FGGY: variants seen among roughly 807,000 people sequenced by gnomAD.
The protein encoded by FGGY is FGGY carbohydrate kinase domain-containing protein.
FGGY carries 72 observed loss-of-function variants against 71.3 expected under a neutral mutation model. The observed-to-expected ratio is 1.01, with a 90% CI of 0.84 to 1.23. The LOEUF (loss-of-function observed/expected upper bound fraction) is 1.23. Among genes scored for constraint, FGGY ranks in the 50% most tolerant of loss-of-function variants. FGGY has a pLI of 0.00. For synonymous variants in FGGY, 251 were observed against 250.3 expected, an observed-to-expected ratio of 1.00 and a Z score of -0.02; for missense variants, 668 against 682.3, an observed-to-expected ratio of 0.98 and a Z score of 0.23.
At chr1:59,429,728 C>T (rs1012629186) in intron 5 of FGGY, among the ~76,000 whole-genome samples, 1 of 152,162 alleles carries the variant, frequency 6.6e-6, no homozygotes, top group Non-Finnish European at 1.5e-5. Flanking sequence ...ACGACACACA[C>T]GTGACGCACA....
At chr1:59,501,296 T>C (rs891882051) in intron 6 of FGGY, among the ~76,000 whole-genome samples, 6 of 152,194 alleles carry the variant, frequency 3.9e-5, no homozygotes, top group African/African-American at 1.4e-4. Flanking sequence ...TTTTTAGTGA[T>C]ACAATTTTGT....
At chr1:59,631,285 A>G (rs145090208) in intron 10 of FGGY, among the ~76,000 whole-genome samples, 1,844 of 152,156 alleles carry the variant, frequency 0.012, 22 homozygotes, top group Middle Eastern at 0.017. Context: ...TCTCTTTGCC[A>G]TCTCTTCCAA....
At chr1:59,389,140 G>T (rs968498826) in intron 5 of FGGY, among the ~76,000 whole-genome samples, 8 of 152,064 alleles carry the variant, frequency 5.3e-5, no homozygotes, top group Non-Finnish European at 8.8e-5. Flanking sequence ...TAGAGACAGG[G>T]TTTCACCATA....
rs191002384 is a variant in FGGY at position 59,696,259 on chromosome 1, C to T, written c.1512+22126C>T. Among the ~76,000 whole-genome samples, 134 of 152,270 alleles carry T rather than the reference C, an allele frequency of 8.8e-4. 1 individual carries two copies. Among genetic ancestry groups the T allele is most frequent in the African/African-American group, 3.2e-3 (133 of 41,546 alleles). On this transcript the variant is annotated intron_variant, in intron 14 of 15. Coordinates refer to ENST00000303721, the MANE Select transcript of FGGY (RefSeq NM_018291.5). ...CATTCTACGTCCTGGTTTATAGACA[C>T]CCTTTTTCTAAGTTTTAATAGATAC...
In FGGY at chr1:59,312,163, G is replaced by A. The variant is rs371979836; in HGVS notation, c.-14-9373G>A. Among the ~76,000 whole-genome samples the A allele has an allele frequency of 3.9e-4, 60 of 152,314 alleles. No individual in the cohort carries two copies. The South Asian group carries it at 7.0e-3, about 18-fold the overall frequency. On this transcript the variant is annotated intron_variant, in intron 1 of 15. Transcript: ENST00000303721. ...AATTCTGGATATTAGTTCTTTGTCA[G>A]ATGGGTAGATTGCAAAAATTTTCTC... is the stretch of plus-strand genomic sequence containing the variant.
At chr1:59,444,304 G>A (rs78759880) in intron 5 of FGGY, among the ~76,000 whole-genome samples, 2 of 152,194 alleles carry the variant, frequency 1.3e-5, no homozygotes, top group Admixed American at 6.5e-5. Flanking sequence ...GATAATAATT[G>A]TACATATTCA....
intron 7 of FGGY, among the ~76,000 whole-genome samples, chr1:59,545,089 G>A (rs927214226): frequency 2.6e-5 from 4 of 152,266 alleles, no homozygotes; most frequent in African/African-American, 4.8e-5. Context: ...CTGGTCATTC[G>A]CATAGTGTCT....
chr1:59,546,535 GATTATTATT>G (rs747576612), intron 7 of FGGY, among the ~76,000 whole-genome samples: 21 of 129,352 alleles, frequency 1.6e-4, no homozygotes, highest in Non-Finnish European at 2.1e-4. Context: ...TGATGATGAT[GATTATTATT>G]ATTATTATTT....
chr1:59,731,580 G>A (rs1321268922), intron 14 of FGGY, among the ~76,000 whole-genome samples: 2 of 151,440 alleles, frequency 1.3e-5, no homozygotes, highest in African/African-American at 4.9e-5. Flanking sequence ...AAGCAGTGGG[G>A]TTAGTTGTTT....
chr1:59,331,134 G>T (rs835377), intron 2 of FGGY, among the ~76,000 whole-genome samples: 7 of 152,070 alleles, frequency 4.6e-5, no homozygotes, highest in Admixed American at 4.6e-4. Flanking sequence ...GAGACTGAGA[G>T]GCTTTAGGAA....
At chr1:59,586,683 A>G (rs1340006363) in intron 8 of FGGY, among the ~76,000 whole-genome samples, 2 of 152,202 alleles carry the variant, frequency 1.3e-5, no homozygotes, top group Non-Finnish European at 2.9e-5. Flanking sequence ...ACCACGTGAA[A>G]TGAGCAGGCT....
chr1:59,507,174 T>C lies in FGGY; in HGVS notation c.671-5137T>C, dbSNP rs543211267. On this transcript the variant is annotated intron_variant, in intron 6 of 15. Coordinates refer to ENST00000303721, the MANE Select transcript of FGGY (RefSeq NM_018291.5). ...AATGGAAGTAAAGTACAGAAACAGCTGGATTGGGTACAGCTCTGCATCGGC... is the reference window on the plus strand; with the variant it reads ...AATGGAAGTAAAGTACAGAAACAGCCGGATTGGGTACAGCTCTGCATCGGC... 3.3e-3 allele frequency among the ~76,000 whole-genome samples: 499 copies of C among 152,314 alleles called. 12 individuals carry two copies. Among genetic ancestry groups the C allele is most frequent in the Non-Finnish European group, 6.5e-4 (44 of 68,022 alleles).
At chr1:59,693,950 T>C (rs2097623645) in intron 14 of FGGY, among the ~76,000 whole-genome samples, 1 of 151,058 alleles carries the variant, frequency 6.6e-6, no homozygotes, top group Non-Finnish European at 1.5e-5. Flanking sequence ...GAAGTTGCAG[T>C]GAGCCAATGT....
intron 14 of FGGY, among the ~76,000 whole-genome samples, chr1:59,754,413 T>C (rs1324610073): frequency 6.6e-6 from 1 of 152,150 alleles, no homozygotes; most frequent in Non-Finnish European, 1.5e-5. Flanking sequence ...TTTTGGTCTC[T>C]TTTTTGTTTG....
intron 14 of FGGY, among the ~76,000 whole-genome samples, chr1:59,679,762 A>C (rs2153985990): frequency 6.6e-6 from 1 of 152,254 alleles, no homozygotes; most frequent in Admixed American, 6.5e-5. Context: ...TCCTATACTC[A>C]AAAATATGTA....
intron 11 of FGGY, 66 bp downstream of exon 11, chr1:59,638,441 G>A: frequency 1.3e-6 from 2 of 1,570,288 alleles, no homozygotes; most frequent in Admixed American, 1.9e-5. Flanking sequence ...TTTGGAAGAA[G>A]CAAAGTGAGG....
At chr1:59,431,945 A>G (rs1024872799) in intron 5 of FGGY, among the ~76,000 whole-genome samples, 1 of 152,178 alleles carries the variant, frequency 6.6e-6, no homozygotes, top group African/African-American at 2.4e-5. Context: ...GCTCCTGGAT[A>G]ACTTCAGAAT....
intron 7 of FGGY, among the ~76,000 whole-genome samples, chr1:59,534,475 A>G (rs1295789829): frequency 6.6e-6 from 1 of 152,026 alleles, no homozygotes; most frequent in Non-Finnish European, 1.5e-5. Flanking sequence ...CAGGAAATAC[A>G]GAGAACGCCA....
intron 1 of FGGY, among the ~76,000 whole-genome samples, chr1:59,311,770 G>A (rs920832077): frequency 6.6e-6 from 1 of 152,194 alleles, no homozygotes; most frequent in Non-Finnish European, 1.5e-5. Context: ...TAATGGGATT[G>A]CTGGGTCAAG....
Sources: gnomAD v4.1 joint callset for allele counts (sites outside exome capture counted in the v4.1 genomes callset) on GRCh38, gnomAD v4.1.1 for gene constraint, MANE v1.5 for transcripts, NCBI Gene and HGNC (gene_info 2026-07-23, HGNC 2026-07-21) for gene names.